Variants in ARID1B observed in about 807,000 individuals in gnomAD.
ARID1B encodes AT-rich interaction domain 1B, also known as AT-rich interactive domain-containing protein 1B.
Under a neutral mutation model 212.3 loss-of-function variants are expected in ARID1B, and 30 were observed. That is an observed-to-expected ratio of 0.14 (90% CI 0.11 to 0.19). The LOEUF is 0.19. Ranked by LOEUF, ARID1B falls within the 10% of genes least tolerant of loss-of-function variation. The probability of loss-of-function intolerance (pLI) is 1.00; values close to 1 mark genes in which losing one functional copy is unlikely to be tolerated. For synonymous variants in ARID1B, 1,402 were observed against 1,301.7 expected (o/e 1.08, Z -1.66); for missense variants, 2,891 against 3,204.0 (o/e 0.90, Z 2.36).
intron 1 of ARID1B, among the ~76,000 whole-genome samples, chr6:156,825,192 A>G (rs1450809158): frequency 6.6e-6 from 1 of 152,196 alleles, no homozygotes; most frequent in African/African-American, 2.4e-5. Context: ...AGGGACTGGT[A>G]GTGAGAAGCA....
chr6:156,956,511 A>G (rs1337284863), intron 4 of ARID1B, among the ~76,000 whole-genome samples: 1 of 152,180 alleles, frequency 6.6e-6, no homozygotes, highest in East Asian at 1.9e-4. Flanking sequence ...TGGTCAGTCC[A>G]TAGACCCTCT....
Position 157,173,993 on chromosome 6 carries a change from C to T in ARID1B, c.3236-15C>T. ...ACACATATAATCCTAAACTCTTTCT[C>T]CTGTTTTCGATTAGCATCTGTGGGT... On this transcript the variant is annotated splice_polypyrimidine_tract_variant and intron_variant, in intron 9 of 19. Coordinates refer to ENST00000636930, the MANE Select transcript of ARID1B (RefSeq NM_001374828.1). 4 of 1,604,762 alleles carry T rather than the reference C, an allele frequency of 2.5e-6. No homozygotes were observed. The highest frequency in any genetic ancestry group is 3.4e-6 in the Non-Finnish European group (4 of 1,171,504).
intron 16 of ARID1B, among the ~76,000 whole-genome samples, chr6:157,197,638 G>A (rs996933422): frequency 1.3e-5 from 2 of 152,138 alleles, no homozygotes; most frequent in African/African-American, 4.8e-5. Context: ...TAACCATAAG[G>A]TAACATTTAG....
chr6:157,132,564 G>C (rs1562644542), intron 6 of ARID1B, among the ~76,000 whole-genome samples: 1 of 152,194 alleles, frequency 6.6e-6, no homozygotes, highest in African/African-American at 2.4e-5. Context: ...GGAAGAGCTG[G>C]TACCCTGGGT....
chr6:157,056,296 C>T (rs916243560), intron 4 of ARID1B, among the ~76,000 whole-genome samples: 1 of 152,074 alleles, frequency 6.6e-6, no homozygotes, highest in African/African-American at 2.4e-5. Flanking sequence ...TACATGTACT[C>T]AAAATGTCCT....
chr6:156,924,373 TAAAG>T (rs1791057684), intron 3 of ARID1B, among the ~76,000 whole-genome samples: 1 of 152,236 alleles, frequency 6.6e-6, no homozygotes, highest in Non-Finnish European at 1.5e-5. Context: ...ACTTTTCACT[TAAAG>T]GAAGTAGTTT....
chr6:157,067,064 AT>A (rs1055431918), intron 4 of ARID1B, among the ~76,000 whole-genome samples: 5 of 152,156 alleles, frequency 3.3e-5, no homozygotes, highest in Admixed American at 3.3e-4. Context: ...GGCTGTCAGG[AT>A]AAAAAAAACA....
chr6:156,776,982 C>T (rs1778658395), upstream of ARID1B: 1 of 152,266 alleles, frequency 6.6e-6, no homozygotes, highest in Non-Finnish European at 1.5e-5. Flanking sequence ...TATTTTCTTT[C>T]TCCGTCGGCT....
intron 1 of ARID1B, among the ~76,000 whole-genome samples, chr6:156,827,532 T>TA (rs1294355473): frequency 6.6e-6 from 1 of 152,328 alleles, no homozygotes; most frequent in South Asian, 2.1e-4. Context: ...CCTGAGCCTG[T>TA]AGAATGCCCT....
chr6:157,128,561 C>T (rs983460342), intron 6 of ARID1B, among the ~76,000 whole-genome samples: 14 of 152,182 alleles, frequency 9.2e-5, no homozygotes, highest in Admixed American at 3.9e-4. Flanking sequence ...CTTCCTCTTA[C>T]GGCAGTATAT....
intron 4 of ARID1B, among the ~76,000 whole-genome samples, chr6:156,944,953 C>T (rs568964041): frequency 4.2e-5 from 6 of 143,098 alleles, no homozygotes; most frequent in African/African-American, 1.1e-4. Flanking sequence ...GACGGAGTCT[C>T]GCTGTGTCGC....
chr6:156,801,196 C>CTTT (rs397887993), intron 1 of ARID1B, among the ~76,000 whole-genome samples: 50 of 105,896 alleles, frequency 4.7e-4, no homozygotes, highest in Non-Finnish European at 5.7e-4. Flanking sequence ...CTTGAATAAT[C>CTTT]TTTTTTTTTT....
chr6:157,099,924 CAGAT>C (rs1785948596), intron 5 of ARID1B, among the ~76,000 whole-genome samples: 1 of 152,134 alleles, frequency 6.6e-6, no homozygotes, highest in African/African-American at 2.4e-5. Flanking sequence ...GTATCCAAGT[CAGAT>C]AGCCTCTGAA....
At chr6:156,980,639 C>T (rs779525758) in intron 4 of ARID1B, among the ~76,000 whole-genome samples, 7 of 152,162 alleles carry the variant, frequency 4.6e-5, no homozygotes, top group African/African-American at 1.2e-4. Flanking sequence ...TAGACAGTGC[C>T]GTGTAAAATC....
chr6:157,077,266 A>G (rs1784365686), intron 4 of ARID1B, among the ~76,000 whole-genome samples: 2 of 152,170 alleles, frequency 1.3e-5, no homozygotes, highest in Admixed American at 1.3e-4. Context: ...CTGCAATTTT[A>G]ATTGTGTTTA....
intron 8 of ARID1B, chr6:157,164,734 A>G (rs1037052239): frequency 2.0e-5 from 3 of 152,210 alleles, no homozygotes; most frequent in African/African-American, 7.2e-5. Context: ...TTATTTTAAC[A>G]TACAAAAGAA....
chr6:157,059,455 A>C (rs186370637), intron 4 of ARID1B, among the ~76,000 whole-genome samples: 2 of 152,250 alleles, frequency 1.3e-5, no homozygotes, highest in Non-Finnish European at 2.9e-5. Context: ...ATACTGCAGA[A>C]TATGAGGTTA....
At chr6:156,858,498 G>A (rs1785101479) in intron 2 of ARID1B, among the ~76,000 whole-genome samples, 1 of 152,208 alleles carries the variant, frequency 6.6e-6, no homozygotes. Flanking sequence ...GGGCTCGGCA[G>A]CTCACACCTG....
chr6:157,124,054 G>A (rs535854373), intron 6 of ARID1B, among the ~76,000 whole-genome samples: 1 of 152,362 alleles, frequency 6.6e-6, no homozygotes, highest in South Asian at 2.1e-4. Flanking sequence ...TTCTGGCCTA[G>A]TAGACTCGTT....
Sources: gnomAD v4.1 joint callset for allele counts (sites outside exome capture counted in the v4.1 genomes callset) on GRCh38, gnomAD v4.1.1 for gene constraint, MANE v1.5 for transcripts, NCBI Gene and HGNC (gene_info 2026-07-23, HGNC 2026-07-21) for gene names.